MTMR12: variants seen among roughly 807,000 people sequenced by gnomAD.
MTMR12 encodes myotubularin-related protein 12.
MTMR12 carries 33 observed loss-of-function variants against 96.7 expected under a neutral mutation model. The ratio of observed to expected loss-of-function variants is 0.34; its 90% CI spans 0.26 to 0.46. The LOEUF (loss-of-function observed/expected upper bound fraction) is 0.46. Among genes scored for constraint, MTMR12 ranks in the 20% least tolerant of loss-of-function variants. The pLI, the probability that MTMR12 is intolerant of heterozygous loss-of-function variation, is 1.00. For synonymous variants in MTMR12, 298 were observed against 327.2 expected, an observed-to-expected ratio of 0.91 and a Z score of 0.96; for missense variants, 721 against 896.1, an observed-to-expected ratio of 0.80 and a Z score of 2.49.
In MTMR12 at chr5:32,312,802, T is replaced by TGCCGCC. The variant is rs761698344; in HGVS notation, c.31_36dup (p.Gly11_Gly12dup). ...ACGAAGGAGGGCTTGGGGGCCTTGG[T>TGCCGCC]GCCGCCGCCACCGCCGACTACTCCT... On this transcript the variant is annotated inframe_insertion, in exon 1 of 16. Coordinates refer to ENST00000382142, the MANE Select transcript of MTMR12 (RefSeq NM_001040446.3). The surrounding 1 kb of genome is among the most constrained non-coding windows in gnomAD (Gnocchi z 5.0). 6.5e-7 allele frequency: 1 copy of TGCCGCC among 1,533,654 alleles called. No individual in the cohort carries two copies. The highest frequency in any genetic ancestry group is 2.8e-5 in the East Asian group (1 of 36,222).
chr5:32,240,434 G>A (rs1748424147), intron 12 of MTMR12, among the ~76,000 whole-genome samples: 1 of 151,706 alleles, frequency 6.6e-6, no homozygotes, highest in South Asian at 2.1e-4. Context: ...TTGTAACTAG[G>A]GAGGTGCTCA....
intron 6 of MTMR12, among the ~76,000 whole-genome samples, chr5:32,265,247 A>G (rs1345027904): frequency 2.0e-5 from 3 of 152,230 alleles, no homozygotes; most frequent in African/African-American, 7.2e-5. Flanking sequence ...TCTCAAAACA[A>G]ATGAGGGCTG....
intron 1 of MTMR12, among the ~76,000 whole-genome samples, chr5:32,280,876 T>A (rs1256912247): frequency 6.6e-6 from 1 of 152,116 alleles, no homozygotes; most frequent in Non-Finnish European, 1.5e-5. Context: ...TGTAATTTGT[T>A]ATAGTTGTTG....
intron 6 of MTMR12, among the ~76,000 whole-genome samples, chr5:32,265,993 A>G (rs1031846471): frequency 1.3e-5 from 2 of 152,146 alleles, no homozygotes; most frequent in African/African-American, 4.8e-5. Context: ...TGAAATCACC[A>G]TAGCTCCCAA....
chr5:32,278,853 G>C (rs552409450), intron 1 of MTMR12, among the ~76,000 whole-genome samples: 2 of 151,902 alleles, frequency 1.3e-5, no homozygotes, highest in African/African-American at 4.8e-5. Flanking sequence ...CGAGGTGGAC[G>C]GATCACCTGA....
intron 10 of MTMR12, among the ~76,000 whole-genome samples, chr5:32,246,170 G>GTTT (rs113738556): frequency 1.2e-5 from 1 of 82,770 alleles, no homozygotes. Context: ...TGAGTAGACA[G>GTTT]TTTTTTTTTT....
At chr5:32,256,385 C>A (rs139908270) in intron 7 of MTMR12, among the ~76,000 whole-genome samples, 1,718 of 152,338 alleles carry the variant, frequency 0.011, 16 homozygotes, top group Middle Eastern at 0.02. Flanking sequence ...AACTGAGACA[C>A]TATTCTGCTA....
intron 12 of MTMR12, among the ~76,000 whole-genome samples, chr5:32,240,324 G>C (rs184447433): frequency 3.3e-5 from 5 of 151,452 alleles, no homozygotes; most frequent in Non-Finnish European, 7.4e-5. Flanking sequence ...GCTTGAACCA[G>C]GGAGACAGAG....
In MTMR12 at chr5:32,248,216, C is replaced by T. The variant is rs542721605; in HGVS notation, c.897-90G>A. ...CGTGCCACAATCTGTGTTAAGGGCT[C>T]AGTAGGCATTCTCCCATTTAATCTT... On this transcript the variant is annotated intron_variant, in intron 9 of 15. Coordinates refer to ENST00000382142, the MANE Select transcript of MTMR12 (RefSeq NM_001040446.3). The T allele has an allele frequency of 3.0e-4, 411 of 1,392,766 alleles. No individual in the cohort carries two copies. In the African/African-American group the frequency reaches 5.4e-3, roughly 18 times the overall value. The allele number at this position is 1,392,766 out of a possible 1,614,324, so 86.3% of individuals were successfully genotyped here.
At chr5:32,300,950 C>T (rs1268100085) in intron 1 of MTMR12, among the ~76,000 whole-genome samples, 1 of 152,144 alleles carries the variant, frequency 6.6e-6, no homozygotes, top group African/African-American at 2.4e-5. Flanking sequence ...TGGCATGCGC[C>T]TGTAGTCCCA....
At chr5:32,304,942 G>A (rs1751297944) in intron 1 of MTMR12, among the ~76,000 whole-genome samples, 1 of 152,208 alleles carries the variant, frequency 6.6e-6, no homozygotes. Flanking sequence ...AGCTAAGAAA[G>A]TGACCATCTC....
chr5:32,258,644 C>T (rs964129580), intron 7 of MTMR12, among the ~76,000 whole-genome samples: 13 of 152,090 alleles, frequency 8.5e-5, no homozygotes, highest in South Asian at 2.1e-4. Flanking sequence ...GAGCCTCCAG[C>T]GATTAGACAC....
Position 32,227,284 on chromosome 5 carries a change from C to T in MTMR12, c.*2494G>A, listed in dbSNP as rs1747772354. 1 of 152,618 alleles carries T rather than the reference C, an allele frequency of 6.6e-6. No individual in the cohort carries two copies. Among genetic ancestry groups the T allele is most frequent in the Non-Finnish European group, 1.5e-5 (1 of 68,044 alleles). The allele number at this position is 152,618 out of a possible 1,614,324, so 9.5% of individuals were successfully genotyped here. A position where few individuals can be genotyped will look rare whatever the true frequency, so the allele number is the denominator to read the frequency against. ...CAGCATTTTAAACAAAGTAAATGGT[C>T]TCATTTCAGCTCTCACTGTTAAGCA... is the stretch of plus-strand genomic sequence containing the variant. On this transcript the variant is annotated 3_prime_UTR_variant, in exon 16 of 16. Coordinates refer to ENST00000382142, the MANE Select transcript of MTMR12 (RefSeq NM_001040446.3).
intron 15 of MTMR12, chr5:32,232,833 G>C (rs1748050114): frequency 2.0e-6 from 1 of 492,108 alleles, no homozygotes; most frequent in Non-Finnish European, 2.6e-6. Flanking sequence ...GCTCACCCAG[G>C]TCCCCAGTCC....
At chr5:32,275,302 AG>A (rs897912968) in intron 2 of MTMR12, among the ~76,000 whole-genome samples, 5 of 152,194 alleles carry the variant, frequency 3.3e-5, no homozygotes, top group African/African-American at 9.7e-5. Context: ...TAATGAAGAC[AG>A]GGCCTCATTA....
At chr5:32,290,094 G>C (rs1232079565) in intron 1 of MTMR12, among the ~76,000 whole-genome samples, 1 of 152,180 alleles carries the variant, frequency 6.6e-6, no homozygotes, top group Non-Finnish European at 1.5e-5. Context: ...CACATCTCCT[G>C]GTACCTGGTA....
intron 4 of MTMR12, 65 bp from the exon 5 acceptor site, chr5:32,271,012 A>C (rs1749812202): frequency 6.6e-7 from 1 of 1,509,888 alleles, no homozygotes; most frequent in African/African-American, 1.4e-5. Flanking sequence ...AATGCTAAAG[A>C]AATGAAGTAG....
chr5:32,254,395 T>C (rs1749062082), intron 8 of MTMR12, among the ~76,000 whole-genome samples: 5 of 152,204 alleles, frequency 3.3e-5, no homozygotes, highest in Admixed American at 3.3e-4. Flanking sequence ...CACTGTATTC[T>C]TCACTGCCAC....
At chr5:32,232,925 T>C (rs993990533) in intron 15 of MTMR12, 3 of 969,320 alleles carry the variant, frequency 3.1e-6, no homozygotes, top group African/African-American at 3.5e-5. Flanking sequence ...AAGGATGGCA[T>C]GGAGAAGGCA....
Sources: gnomAD v4.1 joint callset for allele counts (sites outside exome capture counted in the v4.1 genomes callset) on GRCh38, gnomAD v4.1.1 for gene constraint, Gnocchi (gnomAD v3.1) non-coding constraint, MANE v1.5 for transcripts, NCBI Gene and HGNC (gene_info 2026-07-23, HGNC 2026-07-21) for gene names.